BRAT1: variants seen among roughly 807,000 people sequenced by gnomAD.
BRAT1 encodes the protein BRCA1 associated ATM activator 1, also known as integrator complex assembly factor BRAT1.
In BRAT1, 74 loss-of-function variants were observed where a neutral mutation model predicts 70.6. The ratio of observed to expected loss-of-function variants is 1.05; its 90% CI spans 0.87 to 1.27. The LOEUF (loss-of-function observed/expected upper bound fraction) is 1.27. Ranked by LOEUF, BRAT1 falls within the 50% of genes most tolerant of loss-of-function variation. The pLI, the probability that BRAT1 is intolerant of heterozygous loss-of-function variation, is 0.00. For missense variants in BRAT1, 1,203 were observed against 1,098.2 expected (o/e 1.10, Z -1.35); for synonymous variants, 615 against 517.1 (o/e 1.19, Z -2.57).
At chr7:2,549,587 G>A (rs1281329172) in intron 2 of BRAT1, among the ~76,000 whole-genome samples, 1 of 151,912 alleles carries the variant, frequency 6.6e-6, no homozygotes, top group East Asian at 1.9e-4. Context: ...AGGCACAAAG[G>A]TAAGGCACAG....
intron 3 of BRAT1, among the ~76,000 whole-genome samples, chr7:2,546,332 C>T (rs1049997034): frequency 5.9e-5 from 9 of 152,014 alleles, no homozygotes; most frequent in African/African-American, 1.9e-4. Flanking sequence ...CCCAGCTACT[C>T]GGGAAGCTGA....
At position 2,543,540 on chromosome 7, in the gene BRAT1, G is replaced by A. The variant is rs1779348114; in HGVS notation, c.803+50C>T. ...TGGGACATCCCTGGGCGTTATCCGA[G>A]GAAAACAGTTGCCCACCCAGGCCCC... On this transcript the variant is annotated intron_variant, in intron 5 of 13. Coordinates refer to ENST00000340611, the MANE Select transcript of BRAT1 (RefSeq NM_152743.4). The surrounding 1 kb of genome is among the most constrained non-coding windows in gnomAD (Gnocchi z 5.5). 1 of 1,498,226 alleles carries A rather than the reference G, an allele frequency of 6.7e-7. No individual in the cohort carries two copies. The highest frequency in any genetic ancestry group is 8.9e-7 in the Non-Finnish European group (1 of 1,124,602). The allele number at this position is 1,498,226 out of a possible 1,614,324, so 92.8% of individuals were successfully genotyped here. A position where few individuals can be genotyped will look rare whatever the true frequency, so the allele number is the denominator to read the frequency against.
At chr7:2,551,582 A>G (rs184272431) in intron 2 of BRAT1, among the ~76,000 whole-genome samples, 95 of 151,012 alleles carry the variant, frequency 6.3e-4, no homozygotes, top group Admixed American at 1.5e-3. Context: ...GGAACTCAAG[A>G]GAATGAGGCA....
intron 11 of BRAT1, 70 bp from the exon 12 acceptor site, chr7:2,539,712 C>A: frequency 6.5e-7 from 1 of 1,549,930 alleles, no homozygotes; most frequent in Non-Finnish European, 8.8e-7. Context: ...GCCAGCTGAG[C>A]CATTCCACCC....
chr7:2,542,976 C>T (rs1225939666), intron 6 of BRAT1: 2 of 415,084 alleles, frequency 4.8e-6, no homozygotes, highest in Admixed American at 8.9e-5. Flanking sequence ...GCATCCTTCT[C>T]ACCTCTGGGG....
chr7:2,538,057 C>A lies in BRAT1; in HGVS notation c.*12G>T. On this transcript the variant is annotated 3_prime_UTR_variant, in exon 14 of 14. Transcript: ENST00000340611. ...CTTGGTCCTGAGCCCCAGTGGCAGA[C>A]TCTGGTTCTGCTCAGTAGCAGTCGG... 6.5e-7 allele frequency: 1 copy of A among 1,539,190 alleles called. No individual in the cohort carries two copies. Among genetic ancestry groups the A allele is most frequent in the Non-Finnish European group, 8.8e-7 (1 of 1,138,588 alleles).
chr7:2,554,533 G>C lies in BRAT1; in HGVS notation c.-16-86C>G. On this transcript the variant is annotated intron_variant, in intron 1 of 13. Coordinates refer to ENST00000340611, the MANE Select transcript of BRAT1 (RefSeq NM_152743.4). ...CACAGCAGCCCACCATGCCTGCTCA[G>C]GCCTGGGAAGGGGCCCCAGAACTTT... 3 of 1,446,650 alleles carry C rather than the reference G, an allele frequency of 2.1e-6. No homozygotes were observed. In the South Asian group the frequency reaches 4.2e-5, roughly 20 times the overall value. The allele number at this position is 1,446,650 out of a possible 1,614,324, so 89.6% of individuals were successfully genotyped here.
chr7:2,554,595 A>C (rs1364847151), intron 1 of BRAT1, 148 bp from the exon 2 acceptor site: 1 of 1,026,440 alleles, frequency 9.7e-7, no homozygotes, highest in Non-Finnish European at 1.4e-6. Context: ...CCCAGACCAG[A>C]GGTCTGTACT....
Position 2,541,733 on chromosome 7 carries a change from C to T in BRAT1, c.1119G>A (p.Glu373=), listed in dbSNP as rs1215243266. The T allele has an allele frequency of 1.1e-5, 17 of 1,609,534 alleles. No individual in the cohort carries two copies. The highest frequency in any genetic ancestry group is 1.4e-5 in the Non-Finnish European group (17 of 1,178,976). ...CCGCACCTACCAGCGGCTGCAGCTC[C>T]TCCAGGTGAGCCAGGGTGCGGCACA... ...GLLCRTLAHL[E]ELQPLPQRPS... The change falls in exon 8 of 14, where the codon GAG becomes GAA. Residue 373 remains glutamate (E), a synonymous_variant. Transcript: ENST00000340611.
At chr7:2,554,549 C>G in intron 1 of BRAT1, 102 bp from the exon 2 acceptor site, 2 of 1,356,182 alleles carry the variant, frequency 1.5e-6, no homozygotes, top group Non-Finnish European at 2.0e-6. Flanking sequence ...GGAAGGGGCC[C>G]CAGAACTTTC....
intron 8 of BRAT1, 85 bp downstream of exon 8, chr7:2,541,633 A>G: frequency 6.8e-7 from 1 of 1,477,604 alleles, no homozygotes; most frequent in Non-Finnish European, 9.1e-7. Flanking sequence ...CTGGGGCAGC[A>G]AGGGGTGGGG....
intron 10 of BRAT1, 164 bp downstream of exon 10, chr7:2,540,815 G>A (rs1403717807): frequency 1.3e-5 from 9 of 695,202 alleles, no homozygotes; most frequent in African/African-American, 1.1e-4. Context: ...CCCTGGGCCC[G>A]CCCCATGCAG....
intron 1 of BRAT1, among the ~76,000 whole-genome samples, chr7:2,554,975 C>T (rs549969412): frequency 7.2e-4 from 108 of 149,274 alleles, no homozygotes; most frequent in African/African-American, 2.6e-3. Flanking sequence ...CTGTCCCTCT[C>T]AGGGTCAGTG....
In BRAT1 at chr7:2,538,711, T is replaced by C. The variant is rs767575548; in HGVS notation, c.1824A>G (p.Pro608=). The C allele has an allele frequency of 3.1e-6, 5 of 1,598,260 alleles. No individual in the cohort carries two copies. In the African/African-American group the frequency reaches 5.3e-5, roughly 17 times the overall value. The stretch of plus-strand genomic sequence containing the variant: ...TGAAGACTTGCATGACCGCCCGCCG[T>C]GGGAAGCCCTCCGAGTCTACGGAGA... The part of the protein sequence containing the change: ...HILSVDSEGF[P]RRAVMQVFTE... Residue 608 remains proline (P), a synonymous_variant, in exon 14 of 14, where the codon CCA becomes CCG. Transcript: ENST00000340611.
At chr7:2,545,987 G>T (rs1779580389) in intron 3 of BRAT1, among the ~76,000 whole-genome samples, 1 of 152,244 alleles carries the variant, frequency 6.6e-6, no homozygotes, top group African/African-American at 2.4e-5. Flanking sequence ...CGCACAACCT[G>T]GCGAGGGCCT....
Position 2,541,835 on chromosome 7 carries a change from G to C in BRAT1, c.1017C>G (p.Gly339=), listed in dbSNP as rs1422240391. The C allele has an allele frequency of 6.2e-7, 1 of 1,612,580 alleles. No individual in the cohort carries two copies. The highest frequency in any genetic ancestry group is 8.5e-7 in the Non-Finnish European group (1 of 1,179,782). The change falls in exon 8 of 14, where the codon GGC becomes GGG. Residue 339 remains glycine, a splice_region_variant and synonymous_variant. Transcript: ENST00000340611. Reference sequence around the variant, plus strand: ...CATCGTCTGCCGTCCCGTCCAGCAAGCCTGGGGGCCAAGCCAGGAAGAGCT... The same window carrying C: ...CATCGTCTGCCGTCCCGTCCAGCAACCCTGGGGGCCAAGCCAGGAAGAGCT... The part of the protein sequence containing the change: ...KATVQAPGPP[G]LLDGTADDAT...
intron 2 of BRAT1, among the ~76,000 whole-genome samples, chr7:2,551,787 T>A (rs1023956656): frequency 1.1e-4 from 16 of 151,500 alleles, no homozygotes; most frequent in African/African-American, 3.9e-4. Flanking sequence ...CTCTAGAACA[T>A]TGAGAAAACT....
intron 2 of BRAT1, among the ~76,000 whole-genome samples, chr7:2,547,689 G>A (rs1419280107): frequency 1.3e-5 from 2 of 152,222 alleles, no homozygotes; most frequent in African/African-American, 2.4e-5. Context: ...CTTAACAACA[G>A]GTGAAAGGCG....
Position 2,543,440 on chromosome 7 carries a change from C to A in BRAT1, c.804-117G>T. ...GGCGCCCAGCCCAAGACAGGCCTTT[C>A]CCCATGAGGGTTCCAGGGTCACCCC... On this transcript the variant is annotated intron_variant, in intron 5 of 13. Transcript: ENST00000340611. This position sits in a 1 kb window ranked among gnomAD's most constrained non-coding sequence, Gnocchi z 5.5. 6.7e-7 allele frequency: 1 copy of A among 1,484,714 alleles called. No homozygotes were observed. The highest frequency in any genetic ancestry group is 8.9e-7 in the Non-Finnish European group (1 of 1,121,244). 92.0% of individuals were successfully genotyped at this position (1,484,714 alleles called of 1,614,324 possible). A position where few individuals can be genotyped will look rare whatever the true frequency, so the allele number is the denominator to read the frequency against.
Sources: gnomAD v4.1 joint callset for allele counts (sites outside exome capture counted in the v4.1 genomes callset) on GRCh38, gnomAD v4.1.1 for gene constraint, Gnocchi (gnomAD v3.1) non-coding constraint, MANE v1.5 for transcripts, NCBI Gene and HGNC (gene_info 2026-07-23, HGNC 2026-07-21) for gene names.